Variants in ARHGEF1 observed in about 807,000 individuals in gnomAD.
ARHGEF1 encodes 115 kDa guanine nucleotide exchange factor.
In ARHGEF1, 40 loss-of-function variants were observed where a neutral mutation model predicts 119.7. The ratio of observed to expected loss-of-function variants is 0.33; its 90% confidence interval spans 0.26 to 0.44. ARHGEF1 has a LOEUF of 0.44. Among genes scored for constraint, ARHGEF1 ranks in the 20% least tolerant of loss-of-function variants. The probability of loss-of-function intolerance (pLI) is 1.00; values close to 1 mark genes in which losing one functional copy is unlikely to be tolerated. For missense variants in ARHGEF1, 976 were observed against 1,268.3 expected (o/e 0.77, Z 3.50); for synonymous variants, 494 against 521.0 (o/e 0.95, Z 0.71).
Position 41,883,597 on chromosome 19 carries a change from G to A in ARHGEF1, c.-20+308G>A, listed in dbSNP as rs1280333043. 6.6e-6 allele frequency among the ~76,000 whole-genome samples: 1 copy of A among 152,188 alleles called. No homozygotes were observed. Among genetic ancestry groups the A allele is most frequent in the Non-Finnish European group, 1.5e-5 (1 of 68,028 alleles). Reference sequence around the variant, plus strand: ...GTACGGGTGGGGAAACCGAGGCCCGGGGAGCCAAACCGACTCGTCCCAGGG... The same window carrying A: ...GTACGGGTGGGGAAACCGAGGCCCGAGGAGCCAAACCGACTCGTCCCAGGG... On this transcript the variant is annotated intron_variant, in intron 1 of 28. Coordinates refer to ENST00000354532, the MANE Select transcript of ARHGEF1 (RefSeq NM_004706.4). The surrounding 1 kb of genome is among the most constrained non-coding windows in gnomAD (Gnocchi z 7.6).
In ARHGEF1 at chr19:41,902,780, G is replaced by T. The variant is rs199601441; in HGVS notation, c.1624-4G>T. 1 of 1,613,066 alleles carries T rather than the reference G, an allele frequency of 6.2e-7. No homozygotes were observed. The highest frequency in any genetic ancestry group is 1.3e-5 in the African/African-American group (1 of 75,026). ...CCATCGCAACACCAGCATGTTTCCC[G>T]CAGGAAGCTGAGAGCCGCCCGCGGT... On this transcript the variant is annotated splice_polypyrimidine_tract_variant and splice_region_variant and intron_variant, in intron 17 of 28. Coordinates refer to ENST00000354532, the MANE Select transcript of ARHGEF1 (RefSeq NM_004706.4). This position sits in a 1 kb window ranked among gnomAD's most constrained non-coding sequence, Gnocchi z 6.5.
upstream of ARHGEF1, among the ~76,000 whole-genome samples, chr19:41,922,094 G>T (rs535804351): frequency 2.6e-5 from 4 of 152,076 alleles, no homozygotes; most frequent in Admixed American, 2.0e-4. Context: ...CTGGAGGGGC[G>T]GGGGCAGAGA....
Position 41,902,253 on chromosome 19 carries a change from C to A in ARHGEF1, c.1415-21C>A. 6.2e-7 allele frequency: 1 copy of A among 1,613,668 alleles called. No homozygotes were observed. Among genetic ancestry groups the A allele is most frequent in the South Asian group, 1.1e-5 (1 of 91,022 alleles). ...ATCTTCCAGACCCTGGTGGAGCATC[C>A]CTTTCCTCCTGCCCCCACAGCCCTG... On this transcript the variant is annotated intron_variant, in intron 15 of 28. Transcript: ENST00000354532. The surrounding 1 kb of genome is among the most constrained non-coding windows in gnomAD (Gnocchi z 6.5).
chr19:41,905,433 AGTGTGTGTATGCATGCAT>A lies in ARHGEF1; in HGVS notation c.2336+178_2336+195del. The A allele has an allele frequency of 1.5e-6, 1 of 647,108 alleles. No individual in the cohort carries two copies. The highest frequency in any genetic ancestry group is 1.8e-5 in the African/African-American group (1 of 54,436). 40.1% of individuals were successfully genotyped at this position (647,108 alleles called of 1,614,324 possible). ...AGTATGTGACTGTGCGTGCATATAT[AGTGTGTGTATGCATGCAT>A]GTGTGCGTGTGCATGTGTGTGCGTG... is the stretch of plus-strand genomic sequence containing the variant. On this transcript the variant is annotated intron_variant, in intron 24 of 28. Coordinates refer to ENST00000354532, the MANE Select transcript of ARHGEF1 (RefSeq NM_004706.4). The surrounding 1 kb of genome is among the most constrained non-coding windows in gnomAD (Gnocchi z 6.4).
chr19:41,929,233 G>A (rs1426599741), intron 2 of ARHGEF1, among the ~76,000 whole-genome samples: 4 of 151,540 alleles, frequency 2.6e-5, no homozygotes, highest in African/African-American at 9.7e-5. Flanking sequence ...CCACAAACTG[G>A]ACACAAAGAC....
chr19:41,893,200 C>A, intron 7 of ARHGEF1, 74 bp from the exon 8 acceptor site: 1 of 1,596,680 alleles, frequency 6.3e-7, no homozygotes, highest in South Asian at 1.1e-5. Flanking sequence ...GACAGCAACC[C>A]TGAGATGTAT....
Position 41,894,123 on chromosome 19 carries a change from AGTGTGTGTGTGAGTGT to A in ARHGEF1, c.645-72_645-57del. On this transcript the variant is annotated intron_variant, in intron 8 of 28. Transcript: ENST00000354532. ...TCTGCCTCTAGGGGGAGAGAGAGAG[AGTGTGTGTGTGAGTGT>A]GTGTGTGTGTGTGTGTGTGTGTGTG... 7.7e-6 allele frequency: 5 copies of A among 649,672 alleles called. No individual in the cohort carries two copies. In the African/African-American group the frequency reaches 1.4e-4, roughly 19 times the overall value. 40.2% of individuals were successfully genotyped at this position (649,672 alleles called of 1,614,324 possible). A position where few individuals can be genotyped will look rare whatever the true frequency, so the allele number is the denominator to read the frequency against.
rs1217637040 is a variant in ARHGEF1, at chr19:41,902,113, CGGGAACCCCA to C, written c.1414+84_1414+93del. The stretch of plus-strand genomic sequence containing the variant: ...GCTCTAGCCCTGGGTTCAACCTGCT[CGGGAACCCCA>C]GGGTTCACATGGGGTGGGGGCAGAT... On this transcript the variant is annotated intron_variant, in intron 15 of 28. Coordinates refer to ENST00000354532, the MANE Select transcript of ARHGEF1 (RefSeq NM_004706.4). This position sits in a 1 kb window ranked among gnomAD's most constrained non-coding sequence, Gnocchi z 6.5. The C allele has an allele frequency of 6.3e-7, 1 of 1,581,646 alleles. No individual in the cohort carries two copies. The highest frequency in any genetic ancestry group is 1.7e-5 in the Admixed American group (1 of 57,932).
chr19:41,913,876 C>T (rs1468762037), intron 18 of ARHGEF1, among the ~76,000 whole-genome samples: 3 of 151,252 alleles, frequency 2.0e-5, no homozygotes, highest in East Asian at 2.0e-4. Context: ...CTCCCGAGAC[C>T]CCTCCCCTCA....
In ARHGEF1 at chr19:41,888,708, C is replaced by T. The variant is rs782521348; in HGVS notation, c.112-44C>T. 1.3e-6 allele frequency: 2 copies of T among 1,571,346 alleles called. No homozygotes were observed. The highest frequency in any genetic ancestry group is 1.1e-5 in the South Asian group (1 of 90,006). On this transcript the variant is annotated intron_variant, in intron 3 of 28. Coordinates refer to ENST00000354532, the MANE Select transcript of ARHGEF1 (RefSeq NM_004706.4). The surrounding 1 kb of genome is among the most constrained non-coding windows in gnomAD (Gnocchi z 5.1). ...AATGGGTAGGGTCAACCCTAAGGCC[C>T]CTCCTCTTCTCCCCATTGTACTCAC...
intron 11 of ARHGEF1, 136 bp from the exon 12 acceptor site, chr19:41,895,213 T>C: frequency 8.4e-7 from 1 of 1,189,284 alleles, no homozygotes; most frequent in Non-Finnish European, 1.2e-6. Context: ...GGTTGAGGGC[T>C]CCTGGGTCTG....
chr19:41,907,452 A>G lies in ARHGEF1; in HGVS notation c.*365A>G. 2.7e-6 allele frequency: 4 copies of G among 1,500,060 alleles called. No individual in the cohort carries two copies. The highest frequency in any genetic ancestry group is 3.6e-6 in the Non-Finnish European group (4 of 1,126,588). The allele number at this position is 1,500,060 out of a possible 1,614,324, so 92.9% of individuals were successfully genotyped here. A position where few individuals can be genotyped will look rare whatever the true frequency, so the allele number is the denominator to read the frequency against. On this transcript the variant is annotated 3_prime_UTR_variant, in exon 29 of 29. Coordinates refer to ENST00000354532, the MANE Select transcript of ARHGEF1 (RefSeq NM_004706.4). ...TTTTTAATATATATTATCTAAGAAG[A>G]GATCTGTGTGTGTGATGGCGGGGTG...
At chr19:41,893,192 C>G (rs1253062731) in intron 7 of ARHGEF1, 82 bp from the exon 8 acceptor site, 1 of 1,575,660 alleles carries the variant, frequency 6.3e-7, no homozygotes, top group South Asian at 1.1e-5. Flanking sequence ...TATCCCAGGA[C>G]AGCAACCCTG....
At position 41,904,453 on chromosome 19, in the gene ARHGEF1, G is replaced by C; in HGVS notation, c.2161+70G>C. 6.8e-7 allele frequency: 1 copy of C among 1,462,786 alleles called. No homozygotes were observed. The highest frequency in any genetic ancestry group is 9.1e-7 in the Non-Finnish European group (1 of 1,102,792). 90.6% of individuals were successfully genotyped at this position (1,462,786 alleles called of 1,614,324 possible). On this transcript the variant is annotated intron_variant, in intron 22 of 28. Transcript: ENST00000354532. The surrounding 1 kb of genome is among the most constrained non-coding windows in gnomAD (Gnocchi z 8.4). ...TGGGCAGAGCTGCCTGTGGAGTGGG[G>C]AGCAGAACCCTCTAGAGAGCCAGGG...
At chr19:41,908,344 T>G, downstream of ARHGEF1, 3 of 1,231,440 alleles carry the variant, frequency 2.4e-6, no homozygotes, top group Non-Finnish European at 2.0e-6. This position sits in a 1 kb window ranked among gnomAD's most constrained non-coding sequence, Gnocchi z 6.7. Context: ...TCCGAGTCGC[T>G]GTCCTCCTTC....
At chr19:41,897,252 T>C in intron 13 of ARHGEF1, 3 of 1,278,872 alleles carry the variant, frequency 2.3e-6, no homozygotes, top group Non-Finnish European at 3.1e-6. Context: ...CTTTGGTGGG[T>C]GCGGGGAGGT....
At chr19:41,908,315 G>A, downstream of ARHGEF1, 2 of 1,231,522 alleles carry the variant, frequency 1.6e-6, no homozygotes, top group Non-Finnish European at 2.0e-6. This position sits in a 1 kb window ranked among gnomAD's most constrained non-coding sequence, Gnocchi z 6.7. Flanking sequence ...TGCAGCCGCT[G>A]ACGTCGGTGA....
At position 41,894,241 on chromosome 19, in the gene ARHGEF1, C is replaced by A; in HGVS notation, c.679C>A (p.Arg227Ser). ...AVVNAIGLYM[R>S]HLGVRTKSGD... The stretch of plus-strand genomic sequence containing the variant: ...GGTCAACGCCATTGGCCTGTACATG[C>A]GCCACCTTGGGGTGCGGACCAAGAG... The change falls in exon 9 of 29, where the codon CGC (arginine) becomes AGC (serine). Residue 227 changes from arginine (R) to serine (S), a missense_variant. Coordinates refer to ENST00000354532, the MANE Select transcript of ARHGEF1 (RefSeq NM_004706.4). 1 of 1,559,246 alleles carries A rather than the reference C, an allele frequency of 6.4e-7. No individual in the cohort carries two copies. The highest frequency in any genetic ancestry group is 8.7e-7 in the Non-Finnish European group (1 of 1,150,502).
In ARHGEF1 at chr19:41,902,936, C is replaced by A; in HGVS notation, c.1738+38C>A. The A allele has an allele frequency of 1.6e-6, 2 of 1,267,874 alleles. No homozygotes were observed. The highest frequency in any genetic ancestry group is 2.1e-6 in the Non-Finnish European group (2 of 937,016). 78.5% of individuals were successfully genotyped at this position (1,267,874 alleles called of 1,614,324 possible). On this transcript the variant is annotated intron_variant, in intron 18 of 28. Coordinates refer to ENST00000354532, the MANE Select transcript of ARHGEF1 (RefSeq NM_004706.4). The surrounding 1 kb of genome is among the most constrained non-coding windows in gnomAD (Gnocchi z 6.5). ...TGGATCTCTGGGCCTCGGCTCTCCT[C>A]TTTTTTTTTTACATTTTTTTTCTCA... is the stretch of plus-strand genomic sequence containing the variant.
Sources: allele counts gnomAD v4.1 joint callset (sites outside exome capture counted in the v4.1 genomes callset), GRCh38; gene constraint gnomAD v4.1.1; non-coding constraint Gnocchi (gnomAD v3.1); transcripts MANE v1.5; gene names NCBI Gene and HGNC (gene_info 2026-07-23, HGNC 2026-07-21).